GUF1: variants seen among roughly 807,000 people sequenced by gnomAD.
GUF1 encodes the protein GTP binding elongation factor GUF1.
A neutral mutation model predicts 82.4 loss-of-function variants in GUF1; 78 were observed. The observed-to-expected ratio is 0.95, with a 90% CI of 0.79 to 1.14. The LOEUF (loss-of-function observed/expected upper bound fraction) is 1.14, where lower values mean the gene tolerates loss of function less well. GUF1 is among the 50% of genes most tolerant of loss of function. The pLI, the probability that GUF1 is intolerant of heterozygous loss-of-function variation, is 0.00. For missense variants in GUF1, 814 were observed against 798.2 expected, an observed-to-expected ratio of 1.02 and a Z score of -0.24; for synonymous variants, 279 against 282.3, an observed-to-expected ratio of 0.99 and a Z score of 0.12.
At chr4:44,680,587 T>G in intron 2 of GUF1, 35 bp downstream of exon 2, 4 of 1,472,916 alleles carry the variant, frequency 2.7e-6, no homozygotes, top group Non-Finnish European at 3.7e-6. Flanking sequence ...AACTGATGGC[T>G]GCGAGTTATT....
Position 44,700,044 on chromosome 4 carries a change from A to G in GUF1, c.*1363A>G, listed in dbSNP as rs1252303848. On this transcript the variant is annotated 3_prime_UTR_variant, in exon 17 of 17. Coordinates refer to ENST00000281543, the MANE Select transcript of GUF1 (RefSeq NM_021927.3). Reference sequence around the variant, plus strand: ...ACTGCAGACTGTATTAGAGCAAGACAACATCATTTAGCCATTGATTTTTAT... The same window carrying G: ...ACTGCAGACTGTATTAGAGCAAGACGACATCATTTAGCCATTGATTTTTAT... 1 of 152,242 alleles carries G rather than the reference A, an allele frequency of 6.6e-6. No individual in the cohort carries two copies. The highest frequency in any genetic ancestry group is 1.5e-5 in the Non-Finnish European group (1 of 68,050). 9.4% of individuals were successfully genotyped at this position (152,242 alleles called of 1,614,324 possible).
chr4:44,681,826 C>CCT (rs1714789494), intron 4 of GUF1, among the ~76,000 whole-genome samples: 1 of 152,068 alleles, frequency 6.6e-6, no homozygotes. Flanking sequence ...TCAATCTCTA[C>CCT]CTTATGTAGG....
rs1291457992 is a variant in GUF1, at chr4:44,697,550, T to C, written c.1872+106T>C. 19 of 547,646 alleles carry C rather than the reference T, an allele frequency of 3.5e-5. No homozygotes were observed. The East Asian group carries it at 5.9e-4, about 17-fold the overall frequency. 33.9% of individuals were successfully genotyped at this position (547,646 alleles called of 1,614,324 possible). On this transcript the variant is annotated intron_variant, in intron 16 of 16. Coordinates refer to ENST00000281543, the MANE Select transcript of GUF1 (RefSeq NM_021927.3). ...ATTGTTGGTTTTTATACATTCTTTG[T>C]TTCCAAGTTCCCTTTTTGAATAGGT...
intron 14 of GUF1, among the ~76,000 whole-genome samples, chr4:44,695,140 C>T (rs1363431165): frequency 1.3e-5 from 2 of 152,092 alleles, no homozygotes; most frequent in African/African-American, 2.4e-5. Flanking sequence ...AAAACCCCCA[C>T]GTGTTCAAGA....
intron 11 of GUF1, among the ~76,000 whole-genome samples, chr4:44,690,328 G>A (rs1025160925): frequency 6.6e-6 from 1 of 151,646 alleles, no homozygotes; most frequent in African/African-American, 2.4e-5. Context: ...AATTTATCTC[G>A]TAAAAAGTGA....
At chr4:44,694,783 A>G (rs1306005333) in intron 14 of GUF1, among the ~76,000 whole-genome samples, 1 of 142,782 alleles carries the variant, frequency 7.0e-6, no homozygotes, top group Non-Finnish European at 1.5e-5. Context: ...TGATGGATTT[A>G]GAATTGGGAA....
At chr4:44,691,022 TTTTAAA>T (rs1715406882) in intron 12 of GUF1, among the ~76,000 whole-genome samples, 162 bp downstream of exon 12, 1 of 151,712 alleles carries the variant, frequency 6.6e-6, no homozygotes, top group Non-Finnish European at 1.5e-5. Flanking sequence ...TATGTATACT[TTTTAAA>T]TTATTTTGAT....
In GUF1 at chr4:44,678,714, G is replaced by A; in HGVS notation, c.92G>A (p.Arg31Gln). Residue 31 changes from arginine (R) to glutamine (Q), a missense_variant, in exon 1 of 17, where the codon CGG becomes CAG. Coordinates refer to ENST00000281543, the MANE Select transcript of GUF1 (RefSeq NM_021927.3). ...GAALLVAPGP[R>Q]SAPTLGAAPE... ...GCGCTTCTGGTGGCCCCGGGGCCCCGGTCCGCGCCGACCCTTGGGGCTGCT... is the reference window on the plus strand; with the variant it reads ...GCGCTTCTGGTGGCCCCGGGGCCCCAGTCCGCGCCGACCCTTGGGGCTGCT... 1 of 1,511,894 alleles carries A rather than the reference G, an allele frequency of 6.6e-7. No homozygotes were observed. The highest frequency in any genetic ancestry group is 2.7e-5 in the East Asian group (1 of 37,294). 93.7% of individuals were successfully genotyped at this position (1,511,894 alleles called of 1,614,324 possible). A position where few individuals can be genotyped will look rare whatever the true frequency, so the allele number is the denominator to read the frequency against.
Position 44,686,517 on chromosome 4 carries a change from G to A in GUF1, c.742G>A (p.Val248Met), listed in dbSNP as rs1715060011. 10 of 1,608,642 alleles carry A rather than the reference G, an allele frequency of 6.2e-6. No individual in the cohort carries two copies. The highest frequency in any genetic ancestry group is 8.5e-6 in the Non-Finnish European group (10 of 1,176,018). The change falls in exon 8 of 17, where the codon GTG becomes ATG. Residue 248 changes from valine to methionine, a missense_variant. By Grantham distance (21) the Val-to-Met change is conservative. Coordinates refer to ENST00000281543, the MANE Select transcript of GUF1 (RefSeq NM_021927.3). ...TTTACTTATATTTACTAGTCCTAAA[G>A]TGCATCGCAAAAATCCTCTGAGAGC... ...AIIERIPPPK[V>M]HRKNPLRALV...
In GUF1 at chr4:44,680,459, A is replaced by C. The variant is rs367973398; in HGVS notation, c.184A>C (p.Arg62=). The C allele has an allele frequency of 2.5e-6, 4 of 1,597,270 alleles. No homozygotes were observed. The African/African-American group carries it at 5.4e-5, about 21-fold the overall frequency. ...TTTCTAGGAAAAACTTGACATGTCT[A>C]GGTTTCCTGTTGAAAATATTAGAAA... ...AEFKEKLDMS[R]FPVENIRNFS... The change falls in exon 2 of 17, where the codon AGG becomes CGG. Residue 62 remains arginine (R), a synonymous_variant. Transcript: ENST00000281543.
At position 44,683,265 on chromosome 4, in the gene GUF1, G is replaced by T; in HGVS notation, c.616G>T (p.Val206Phe). Residue 206 changes from valine (V) to phenylalanine (F), a missense_variant, in exon 6 of 17, where the codon GTT becomes TTT. Physicochemically the swap from Val to Phe is conservative, Grantham distance 50 (BLOSUM62 -1). Transcript: ENST00000281543. ...TCTGAAGAATGCTGATCCTGAAAGGGTTGAAAACCAAATTGAGAAAGTGTT... is the reference window on the plus strand; with the variant it reads ...TCTGAAGAATGCTGATCCTGAAAGGTTTGAAAACCAAATTGAGAAAGTGTT... ...IDLKNADPER[V>F]ENQIEKVFDI... The T allele has an allele frequency of 6.3e-7, 1 of 1,587,198 alleles. No individual in the cohort carries two copies. The highest frequency in any genetic ancestry group is 8.6e-7 in the Non-Finnish European group (1 of 1,167,734).
At chr4:44,695,349 G>A (rs916079820) in intron 14 of GUF1, among the ~76,000 whole-genome samples, 1 of 152,158 alleles carries the variant, frequency 6.6e-6, no homozygotes, top group Admixed American at 6.5e-5. Flanking sequence ...ATTCCAAAAT[G>A]TTTAACCGTT....
Position 44,681,295 on chromosome 4 carries a change from T to G in GUF1, c.507+92T>G. 3 of 932,466 alleles carry G rather than the reference T, an allele frequency of 3.2e-6. No individual in the cohort carries two copies. The East Asian group carries it at 7.3e-5, about 23-fold the overall frequency. 57.8% of individuals were successfully genotyped at this position (932,466 alleles called of 1,614,324 possible). A position where few individuals can be genotyped will look rare whatever the true frequency, so the allele number is the denominator to read the frequency against. On this transcript the variant is annotated intron_variant, in intron 4 of 16. Transcript: ENST00000281543. Reference sequence around the variant, plus strand: ...TTAAAATGTGTTTTGGAAATAGAATTTTTGTGTTTGAAAAATAGATTTAAT... The same window carrying G: ...TTAAAATGTGTTTTGGAAATAGAATGTTTGTGTTTGAAAAATAGATTTAAT...
intron 14 of GUF1, 84 bp downstream of exon 14, chr4:44,694,597 A>T: frequency 1.2e-6 from 1 of 831,022 alleles, no homozygotes; most frequent in Admixed American, 2.5e-5. Context: ...AGCTGCATTT[A>T]AAAAACTTCT....
Position 44,695,669 on chromosome 4 carries a change from TC to T in GUF1, c.1772del (p.Pro591LeufsTer7). The T allele has an allele frequency of 1.2e-6, 2 of 1,613,478 alleles. No homozygotes were observed. The highest frequency in any genetic ancestry group is 1.7e-6 in the Non-Finnish European group (2 of 1,179,594). On this transcript the variant is annotated frameshift_variant, in exon 15 of 17. Coordinates refer to ENST00000281543, the MANE Select transcript of GUF1 (RefSeq NM_021927.3). LOFTEE classifies it high-confidence loss of function. The part of the protein sequence containing the change: ...AICERLKDSL[P>X]RQLFEIAIQA... ...TATGTGAACGGCTGAAGGATTCTCTTCCTAGGCAACTGTTTGAGATAGCAAT... is the reference window on the plus strand; with the variant it reads ...TATGTGAACGGCTGAAGGATTCTCTTCTAGGCAACTGTTTGAGATAGCAAT...
intron 6 of GUF1, among the ~76,000 whole-genome samples, chr4:44,683,752 G>T (rs945410169): frequency 6.6e-6 from 1 of 152,040 alleles, no homozygotes; most frequent in African/African-American, 2.4e-5. Context: ...AAAGCTAGTT[G>T]TAGTGCTAGG....
intron 15 of GUF1, among the ~76,000 whole-genome samples, chr4:44,696,548 T>C: frequency 6.6e-6 from 1 of 152,170 alleles, no homozygotes; most frequent in East Asian, 1.9e-4. Flanking sequence ...TTCTAGGAAA[T>C]AGGAAGTATC....
intron 6 of GUF1, among the ~76,000 whole-genome samples, chr4:44,685,011 C>A (rs1370801276): frequency 7.2e-5 from 11 of 152,098 alleles, no homozygotes; most frequent in Non-Finnish European, 5.9e-5. Flanking sequence ...AAGAAGAGAA[C>A]AGAAAGTGGT....
chr4:44,697,291 T>A (rs1316751670), intron 15 of GUF1, 117 bp from the exon 16 acceptor site: 5 of 488,872 alleles, frequency 1.0e-5, no homozygotes, highest in Non-Finnish European at 1.9e-5. Flanking sequence ...CAATTTTACA[T>A]AGGTAATGAT....
Sources: gnomAD v4.1 joint callset for allele counts (sites outside exome capture counted in the v4.1 genomes callset) on GRCh38, gnomAD v4.1.1 for gene constraint, MANE v1.5 for transcripts, NCBI Gene and HGNC (gene_info 2026-07-23, HGNC 2026-07-21) for gene names.